The following HSD11B1 variants were observed in gnomAD, a reference collection of about 807,000 sequenced individuals.
The protein encoded by HSD11B1 is hydroxysteroid 11-beta dehydrogenase 1.
Under a neutral mutation model 22.1 loss-of-function variants are expected in HSD11B1, and 15 were observed. The ratio of observed to expected loss-of-function variants is 0.68; its 90% CI spans 0.45 to 1.04. The LOEUF (loss-of-function observed/expected upper bound fraction) is 1.04, where lower values mean the gene tolerates loss of function less well. Ranked by LOEUF, HSD11B1 falls within the 50% of genes least tolerant of loss-of-function variation. The probability of loss-of-function intolerance (pLI) is 0.00; values close to 1 mark genes in which losing one functional copy is unlikely to be tolerated. For missense variants in HSD11B1, 281 were observed against 357.6 expected (o/e 0.79, Z 1.73); for synonymous variants, 122 against 125.2 (o/e 0.97, Z 0.17).
Position 209,718,150 on chromosome 1 carries a change from G to C in HSD11B1, c.517+11022G>C, listed in dbSNP as rs548493071. Among the ~76,000 whole-genome samples, 10 of 152,230 alleles carry C rather than the reference G, an allele frequency of 6.6e-5. No individual in the cohort carries two copies. In the South Asian group the frequency reaches 1.9e-3, roughly 28 times the overall value. ...GTTGGCTACTGATTACAAATATGCA[G>C]TTAGAAGGAATAATTTCTAATGTTC... On this transcript the variant is annotated intron_variant, in intron 4 of 5. Transcript: ENST00000367027.
chr1:209,702,618 C>A (rs554896635), upstream of HSD11B1, among the ~76,000 whole-genome samples: 1 of 152,172 alleles, frequency 6.6e-6, no homozygotes, highest in East Asian at 1.9e-4. Flanking sequence ...TATGCTAATG[C>A]CACTGCCCTG....
chr1:209,699,895 G>A (rs1159194064), upstream of HSD11B1, among the ~76,000 whole-genome samples: 2 of 152,094 alleles, frequency 1.3e-5, no homozygotes, highest in African/African-American at 2.4e-5. Flanking sequence ...AAATCCAAAG[G>A]GGCAGTCAAA....
chr1:209,716,352 G>A (rs1433708097), intron 4 of HSD11B1, among the ~76,000 whole-genome samples: 1 of 148,898 alleles, frequency 6.7e-6, no homozygotes, highest in Non-Finnish European at 1.5e-5. Flanking sequence ...AAACCACCTA[G>A]GAATAAATTT....
At chr1:209,704,039 T>C (rs1456895066), upstream of HSD11B1, among the ~76,000 whole-genome samples, 2 of 152,210 alleles carry the variant, frequency 1.3e-5, no homozygotes, top group Non-Finnish European at 2.9e-5. Context: ...GGTGTGGGCG[T>C]CCCCAGCTAG....
intron 4 of HSD11B1, among the ~76,000 whole-genome samples, chr1:209,711,352 C>G (rs936231099): frequency 1.3e-5 from 2 of 152,168 alleles, no homozygotes; most frequent in African/African-American, 4.8e-5. Context: ...GGATCCCAAA[C>G]TCCAGATTAT....
chr1:209,699,356 G>A (rs1431478185), intron 1 of HSD11B1, among the ~76,000 whole-genome samples: 3 of 152,104 alleles, frequency 2.0e-5, no homozygotes, highest in Admixed American at 2.0e-4. Context: ...CACTTGGCTG[G>A]GGAGGCCTCA....
At chr1:209,732,362 C>T (rs2077040755) in intron 4 of HSD11B1, 74 bp from the exon 5 acceptor site, 16 of 1,536,238 alleles carry the variant, frequency 1.0e-5, no homozygotes, top group Admixed American at 3.3e-5. Context: ...ATAGGAGTTA[C>T]AAAGCCTACT....
intron 4 of HSD11B1, among the ~76,000 whole-genome samples, chr1:209,728,709 G>A (rs2077018104): frequency 6.6e-6 from 1 of 152,142 alleles, no homozygotes. Context: ...TCCTCAGGCT[G>A]ACAATGAGAT....
intron 1 of HSD11B1, among the ~76,000 whole-genome samples, chr1:209,699,074 C>T (rs1184716704): frequency 2.0e-5 from 3 of 152,118 alleles, no homozygotes; most frequent in South Asian, 2.1e-4. Flanking sequence ...AGAACTTCTC[C>T]CCTCGTTAGA....
chr1:209,709,110 C>T lies in HSD11B1; in HGVS notation c.517+1982C>T, dbSNP rs1047926383. ...ATCTAAACTCTATAAATATGGGATG[C>T]TAAACATCAAGTTGATCTTAAGGTC... On this transcript the variant is annotated intron_variant, in intron 4 of 5. Coordinates refer to ENST00000367027, the MANE Select transcript of HSD11B1 (RefSeq NM_005525.4). Among the ~76,000 whole-genome samples the T allele has an allele frequency of 3.9e-5, 6 of 152,156 alleles. No individual in the cohort carries two copies. The South Asian group carries it at 1.0e-3, about 26-fold the overall frequency.
chr1:209,709,004 G>A (rs771268753), intron 4 of HSD11B1, among the ~76,000 whole-genome samples: 7 of 152,144 alleles, frequency 4.6e-5, no homozygotes, highest in South Asian at 4.1e-4. Context: ...CTGTCTTGCC[G>A]CAACTGAAGA....
In HSD11B1 at chr1:209,694,484, A is replaced by G. The variant is rs113243927; in HGVS notation, c.-49+8199A>G. Among the ~76,000 whole-genome samples, 1,342 of 152,346 alleles carry G rather than the reference A, an allele frequency of 8.8e-3. 9 individuals are homozygous for G. The highest frequency in any genetic ancestry group is 0.031 in the Middle Eastern group (9 of 294). Reference sequence around the variant, plus strand: ...GTCCCCAGCATTCCCTGAAGGTGTGACTTTGAAGAGCAGTACCTGAATGAT... The same window carrying G: ...GTCCCCAGCATTCCCTGAAGGTGTGGCTTTGAAGAGCAGTACCTGAATGAT... On this transcript the variant is annotated intron_variant, in intron 1 of 6. Coordinates refer to the HSD11B1 transcript ENST00000261465.
chr1:209,711,713 A>G (rs888735711), intron 4 of HSD11B1, among the ~76,000 whole-genome samples: 1 of 152,214 alleles, frequency 6.6e-6, no homozygotes, highest in African/African-American at 2.4e-5. Flanking sequence ...TAAAAATTCC[A>G]GAAAATTTAT....
chr1:209,706,663 A>G lies in HSD11B1; in HGVS notation c.220-46A>G. 2.2e-6 allele frequency: 3 copies of G among 1,377,604 alleles called. No individual in the cohort carries two copies. The highest frequency in any genetic ancestry group is 1.2e-5 in the South Asian group (1 of 86,196). 85.3% of individuals were successfully genotyped at this position (1,377,604 alleles called of 1,614,324 possible). A position where few individuals can be genotyped will look rare whatever the true frequency, so the allele number is the denominator to read the frequency against. On this transcript the variant is annotated intron_variant, in intron 2 of 5. Coordinates refer to ENST00000367027, the MANE Select transcript of HSD11B1 (RefSeq NM_005525.4). This position sits in a 1 kb window ranked among gnomAD's most constrained non-coding sequence, Gnocchi z 4.0. ...CCGTTACTTCAGAGACTACCCCCCA[A>G]AAATCTGCAGCTAAGACTGATGCCA... is the stretch of plus-strand genomic sequence containing the variant.
chr1:209,702,955 C>A (rs1242381102), upstream of HSD11B1, among the ~76,000 whole-genome samples: 1 of 152,142 alleles, frequency 6.6e-6, no homozygotes, highest in Non-Finnish European at 1.5e-5. Flanking sequence ...AGCATCGTAG[C>A]TATTAGGTCA....
At chr1:209,730,366 A>T (rs554788089) in intron 4 of HSD11B1, among the ~76,000 whole-genome samples, 1 of 152,358 alleles carries the variant, frequency 6.6e-6, no homozygotes, top group African/African-American at 2.4e-5. Context: ...TCTAGCCATC[A>T]TATCTGAGGT....
chr1:209,694,510 A>C (rs2076779336), intron 1 of HSD11B1, among the ~76,000 whole-genome samples: 1 of 152,222 alleles, frequency 6.6e-6, no homozygotes, highest in African/African-American at 2.4e-5. Context: ...CCTGAATGAT[A>C]AGGAATTGGG....
At position 209,706,653 on chromosome 1, in the gene HSD11B1, C is replaced by A; in HGVS notation, c.220-56C>A. ...TTTAAGCCCCCCGTTACTTCAGAGA[C>A]TACCCCCCAAAAATCTGCAGCTAAG... On this transcript the variant is annotated intron_variant, in intron 2 of 5. Transcript: ENST00000367027. This position sits in a 1 kb window ranked among gnomAD's most constrained non-coding sequence, Gnocchi z 4.0. The A allele has an allele frequency of 8.4e-7, 1 of 1,192,802 alleles. No homozygotes were observed. Among genetic ancestry groups the A allele is most frequent in the Non-Finnish European group, 1.3e-6 (1 of 797,280 alleles). 73.9% of individuals were successfully genotyped at this position (1,192,802 alleles called of 1,614,324 possible). A position where few individuals can be genotyped will look rare whatever the true frequency, so the allele number is the denominator to read the frequency against.
chr1:209,721,548 T>C (rs571933720), intron 4 of HSD11B1, among the ~76,000 whole-genome samples: 1 of 152,032 alleles, frequency 6.6e-6, no homozygotes, highest in African/African-American at 2.4e-5. Flanking sequence ...GTGGGGCTTT[T>C]TCTGGGTTCT....
Sources: allele counts gnomAD v4.1 joint callset (sites outside exome capture counted in the v4.1 genomes callset), GRCh38; gene constraint gnomAD v4.1.1; non-coding constraint Gnocchi (gnomAD v3.1); transcripts MANE v1.5; gene names NCBI Gene and HGNC (gene_info 2026-07-23, HGNC 2026-07-21).